The following NUP98 variants were observed in gnomAD, a reference collection of about 807,000 sequenced individuals.
NUP98 encodes the protein nucleoporin 98 and 96 precursor.
NUP98 carries 26 observed loss-of-function variants against 191.9 expected under a neutral mutation model. That is an observed-to-expected ratio of 0.14 (90% CI 0.10 to 0.19). The LOEUF (loss-of-function observed/expected upper bound fraction) is 0.19. Among genes scored for constraint, NUP98 ranks in the 10% least tolerant of loss-of-function variants. NUP98 has a pLI of 1.00. For missense variants in NUP98, 1,941 were observed against 2,178.8 expected, an observed-to-expected ratio of 0.89 and a Z score of 2.17; for synonymous variants, 808 against 778.4, an observed-to-expected ratio of 1.04 and a Z score of -0.63.
chr11:3,723,213 G>A lies in NUP98; in HGVS notation c.2090C>T (p.Ser697Leu). Residue 697 changes from serine (S) to leucine (L), a missense_variant, in exon 16 of 33, where the codon TCA becomes TTA. Ser to Leu is a moderately radical substitution (Grantham distance 145). Around this residue, in one of 6 missense-constraint regions of NUP98, gnomAD observed 453 missense variants for 438.2 expected, o/e 1.03. Transcript: ENST00000324932. Reference sequence around the variant, plus strand: ...TATTTCTTCTCGGTCATCCTGAAGTGACTCATCATGAAAAGACGTTTCTTC... The same window carrying A: ...TATTTCTTCTCGGTCATCCTGAAGTAACTCATCATGAAAAGACGTTTCTTC... ...SSEETSFHDESLQDDREEIEN... is the reference protein window; with the variant it reads ...SSEETSFHDELLQDDREEIEN... The A allele has an allele frequency of 6.2e-7, 1 of 1,614,088 alleles. No individual in the cohort carries two copies. Among genetic ancestry groups the A allele is most frequent in the Non-Finnish European group, 8.5e-7 (1 of 1,180,000 alleles).
chr11:3,685,964 C>G lies in NUP98; in HGVS notation c.4676+9G>C. 1 of 1,611,452 alleles carries G rather than the reference C, an allele frequency of 6.2e-7. No homozygotes were observed. Among genetic ancestry groups the G allele is most frequent in the South Asian group, 1.1e-5 (1 of 91,014 alleles). On this transcript the variant is annotated intron_variant, in intron 29 of 32. Transcript: ENST00000324932. ...ATGTACCCAGTGGGTTCAACGGCTT[C>G]TCACTCACCCTGAGTTGTCAATGTG...
At chr11:3,738,991 T>C (rs1481298920) in intron 12 of NUP98, among the ~76,000 whole-genome samples, 1 of 152,020 alleles carries the variant, frequency 6.6e-6, no homozygotes, top group Non-Finnish European at 1.5e-5. Flanking sequence ...CACACTCACA[T>C]AGTTCTAAAG....
At chr11:3,698,725 C>CCCA (rs1554887938) in intron 25 of NUP98, among the ~76,000 whole-genome samples, 2 of 35,752 alleles carry the variant, frequency 5.6e-5, no homozygotes, top group African/African-American at 2.4e-4. Context: ...GAAACTGTCT[C>CCCA]AAAAAAAAAA....
chr11:3,754,968 A>C (rs190680), intron 10 of NUP98, among the ~76,000 whole-genome samples: 2 of 144,346 alleles, frequency 1.4e-5, no homozygotes, highest in Non-Finnish European at 3.0e-5. Context: ...AAAAAAATCC[A>C]TAGGTATCAA....
chr11:3,702,372 A>G lies in NUP98; in HGVS notation c.3512+91T>C. 3 of 825,108 alleles carry G rather than the reference A, an allele frequency of 3.6e-6. No individual in the cohort carries two copies. In the South Asian group the frequency reaches 4.8e-5, roughly 13 times the overall value. 51.1% of individuals were successfully genotyped at this position (825,108 alleles called of 1,614,324 possible). ...TCTCTCTCTCTCTCTCTCTCTCTAG[A>G]AAGATGACAAAGCAGGGCCCTATCC... On this transcript the variant is annotated intron_variant, in intron 23 of 32. Transcript: ENST00000324932.
intron 22 of NUP98, among the ~76,000 whole-genome samples, chr11:3,704,081 C>T (rs2078789229): frequency 6.6e-6 from 1 of 152,172 alleles, no homozygotes; most frequent in Non-Finnish European, 1.5e-5. Context: ...ACCAGATTTT[C>T]ATGTAGTATC....
In NUP98 at chr11:3,771,839, A is replaced by AG; in HGVS notation, c.692dup (p.Pro232SerfsTer16). On this transcript the variant is annotated frameshift_variant, in exon 7 of 33. Transcript: ENST00000324932. LOFTEE classifies it high-confidence loss of function. ...GTCCTGTTGCGCTGGAAGTGGCTGG[A>AG]GAAGACCCAAACAAGCCAGTTGTGG... 1 of 1,613,034 alleles carries AG rather than the reference A, an allele frequency of 6.2e-7. No homozygotes were observed. Among genetic ancestry groups the AG allele is most frequent in the Non-Finnish European group, 8.5e-7 (1 of 1,179,852 alleles).
At position 3,744,610 on chromosome 11, in the gene NUP98, T is replaced by A. The variant is rs1272801488; in HGVS notation, c.1307A>T (p.Gln436Leu). 6.2e-7 allele frequency: 1 copy of A among 1,613,368 alleles called. No homozygotes were observed. Among genetic ancestry groups the A allele is most frequent in the East Asian group, 2.2e-5 (1 of 44,850 alleles). ...ACCAAGAGGCCCTCCAATCTTAGGTTGGTTGTTCCCAAACAAAGATGCCTG... is the reference window on the plus strand; with the variant it reads ...ACCAAGAGGCCCTCCAATCTTAGGTAGGTTGTTCCCAAACAAAGATGCCTG... ...AGQASLFGNN[Q>L]PKIGGPLGTG... The change falls in exon 12 of 33, where the codon CAA becomes CTA. Residue 436 changes from glutamine (Q) to leucine (L), a missense_variant. Physicochemically the swap from Gln to Leu is moderately radical, Grantham distance 113. Coordinates refer to ENST00000324932, the MANE Select transcript of NUP98 (RefSeq NM_016320.5).
At chr11:3,693,620 T>C (rs1256151035) in intron 26 of NUP98, among the ~76,000 whole-genome samples, 2 of 152,208 alleles carry the variant, frequency 1.3e-5, no homozygotes, top group Non-Finnish European at 2.9e-5. Context: ...CTTGAATTCC[T>C]GGTGTCAAGC....
At position 3,713,818 on chromosome 11, in the gene NUP98, C is replaced by T; in HGVS notation, c.2577G>A (p.Lys859=). ...YRPETGSWVF[K]VSHFSKYGLQ... ...TCTGAACTGGGTTAAATGACTATAC[C>T]TTAAACACCCAAGAACCAGTTTCAG... The change falls in exon 19 of 33, where the codon AAG becomes AAA. Residue 859 remains lysine, a splice_region_variant and synonymous_variant. Coordinates refer to ENST00000324932, the MANE Select transcript of NUP98 (RefSeq NM_016320.5). 2 of 1,612,756 alleles carry T rather than the reference C, an allele frequency of 1.2e-6. No individual in the cohort carries two copies. The highest frequency in any genetic ancestry group is 1.7e-6 in the Non-Finnish European group (2 of 1,179,636).
chr11:3,774,511 G>C (rs1277111501), intron 5 of NUP98, among the ~76,000 whole-genome samples: 2 of 152,088 alleles, frequency 1.3e-5, no homozygotes, highest in Non-Finnish European at 2.9e-5. Flanking sequence ...GATCACTTGA[G>C]GTCAGGAGTT....
At chr11:3,753,246 T>C in intron 11 of NUP98, 70 bp downstream of exon 11, 1 of 1,251,468 alleles carries the variant, frequency 8.0e-7, no homozygotes. Flanking sequence ...ATCAAACAGA[T>C]CTCTCAAGTT....
At chr11:3,760,219 C>T in intron 10 of NUP98, 1 of 347,158 alleles carries the variant, frequency 2.9e-6, no homozygotes, top group Middle Eastern at 8.1e-4. Context: ...GAAACCTGGC[C>T]TCATACAATG....
chr11:3,689,714 C>T (rs1433448446), intron 28 of NUP98, among the ~76,000 whole-genome samples: 29 of 152,052 alleles, frequency 1.9e-4, no homozygotes, highest in Non-Finnish European at 1.0e-4. Context: ...AATCATGTCT[C>T]ACTGCAGGCT....
chr11:3,719,082 T>C (rs1275466464), intron 18 of NUP98, among the ~76,000 whole-genome samples: 1 of 150,626 alleles, frequency 6.6e-6, no homozygotes, highest in Non-Finnish European at 1.5e-5. Context: ...ATCATTCCAC[T>C]GCGCTCCAGC....
Position 3,685,979 on chromosome 11 carries a change from T to G in NUP98, c.4670A>C (p.Asn1557Thr). ...TCAACGGCTTCTCACTCACCCTGAG[T>G]TGTCAATGTGCAGGAGGACAAAGAT... Reference protein sequence around the residue: ...WAIFVLLHIDNSGIREKAVRE... With the variant: ...WAIFVLLHIDTSGIREKAVRE... The change falls in exon 29 of 33, where the codon AAC becomes ACC. Residue 1557 changes from asparagine to threonine, a missense_variant. By Grantham distance (65) the Asn-to-Thr change is moderately conservative. This residue lies in a region of NUP98 where 1,030 missense variants were observed against 1,115.8 expected (regional missense o/e 0.92). Transcript: ENST00000324932. The G allele has an allele frequency of 2.5e-6, 4 of 1,613,564 alleles. No homozygotes were observed. Among genetic ancestry groups the G allele is most frequent in the Non-Finnish European group, 3.4e-6 (4 of 1,179,860 alleles).
chr11:3,701,030 C>T (rs535857878), intron 23 of NUP98, among the ~76,000 whole-genome samples, 191 bp from the exon 24 acceptor site: 5 of 152,216 alleles, frequency 3.3e-5, no homozygotes, highest in Non-Finnish European at 7.4e-5. Flanking sequence ...AAAAAATCAT[C>T]TGATCAGTGC....
At chr11:3,710,659 G>A (rs1590005230) in intron 20 of NUP98, among the ~76,000 whole-genome samples, 1 of 152,228 alleles carries the variant, frequency 6.6e-6, no homozygotes, top group South Asian at 2.1e-4. Context: ...TACTCAAACG[G>A]CACAAGTAGT....
At chr11:3,774,280 C>T (rs972520935) in intron 5 of NUP98, among the ~76,000 whole-genome samples, 5 of 151,938 alleles carry the variant, frequency 3.3e-5, no homozygotes, top group African/African-American at 1.2e-4. Flanking sequence ...GGCGTGGTAG[C>T]GTGCACCTGT....
Sources: gnomAD v4.1 joint callset for allele counts (sites outside exome capture counted in the v4.1 genomes callset) on GRCh38, gnomAD v4.1.1 for gene constraint, gnomAD v4.1.1 regional missense constraint, MANE v1.5 for transcripts, NCBI Gene and HGNC (gene_info 2026-07-23, HGNC 2026-07-21) for gene names.